Variants in DYRK2 observed in about 807,000 individuals in gnomAD.
DYRK2 encodes the protein dual specificity tyrosine-phosphorylation-regulated kinase 2.
Under a neutral mutation model 41.6 loss-of-function variants are expected in DYRK2, and 12 were observed. That is an observed-to-expected ratio of 0.29 (90% CI 0.18 to 0.47). The LOEUF is 0.47. Among genes scored for constraint, DYRK2 ranks in the 20% least tolerant of loss-of-function variants. The pLI, the probability that DYRK2 is intolerant of heterozygous loss-of-function variation, is 1.00. For synonymous variants in DYRK2, 322 were observed against 315.7 expected, an observed-to-expected ratio of 1.02 and a Z score of -0.21; for missense variants, 678 against 798.4, an observed-to-expected ratio of 0.85 and a Z score of 1.82.
At chr12:67,656,370 CG>C (rs1872468303) in intron 2 of DYRK2, among the ~76,000 whole-genome samples, 1 of 152,130 alleles carries the variant, frequency 6.6e-6, no homozygotes, top group Non-Finnish European at 1.5e-5. Flanking sequence ...CTGACCCCTC[CG>C]GAGGAAGGCC....
Position 67,660,138 on chromosome 12 carries a change from T to C in DYRK2, c.*1425T>C, listed in dbSNP as rs1018979033. 6 of 167,192 alleles carry C rather than the reference T, an allele frequency of 3.6e-5. No individual in the cohort carries two copies. The highest frequency in any genetic ancestry group is 1.3e-4 in the Admixed American group (2 of 15,304). 10.4% of individuals were successfully genotyped at this position (167,192 alleles called of 1,614,324 possible). On this transcript the variant is annotated 3_prime_UTR_variant, in exon 3 of 3. Coordinates refer to ENST00000344096, the MANE Select transcript of DYRK2 (RefSeq NM_006482.3). The stretch of plus-strand genomic sequence containing the variant: ...TGATCTATATCAATTTCAAGGCACG[T>C]GAAAAAAATTTTTTAGTATGTGCAA...
Position 67,648,991 on chromosome 12 carries a change from C to A in DYRK2, c.-143C>A. 1 of 592,074 alleles carries A rather than the reference C, an allele frequency of 1.7e-6. No individual in the cohort carries two copies. Among genetic ancestry groups the A allele is most frequent in the Non-Finnish European group, 2.6e-6 (1 of 379,868 alleles). 36.7% of individuals were successfully genotyped at this position (592,074 alleles called of 1,614,324 possible). On this transcript the variant is annotated 5_prime_UTR_variant, in exon 1 of 3. It adds an upstream start codon to the 5' untranslated region. Coordinates refer to ENST00000344096, the MANE Select transcript of DYRK2 (RefSeq NM_006482.3). ...GATGCAGTGGACTGTGTGTGTCTGG[C>A]TGTAGCAGACGCGAGGCGGCGACGA...
Position 67,649,892 on chromosome 12 carries a change from C to G in DYRK2, c.145C>G (p.Pro49Ala), listed in dbSNP as rs759216183. 4 of 1,386,888 alleles carry G rather than the reference C, an allele frequency of 2.9e-6. No homozygotes were observed. The South Asian group carries it at 5.8e-5, about 20-fold the overall frequency. 85.9% of individuals were successfully genotyped at this position (1,386,888 alleles called of 1,614,324 possible). A position where few individuals can be genotyped will look rare whatever the true frequency, so the allele number is the denominator to read the frequency against. The change falls in exon 2 of 3, where the codon CCC (proline) becomes GCC (alanine). Residue 49 changes from proline to alanine, a missense_variant. Coordinates refer to ENST00000344096, the MANE Select transcript of DYRK2 (RefSeq NM_006482.3). ...RSGVGTGPPS[P>A]IALPPLRASN... ...CGGAGTGGGGACTGGCCCGCCCTCC[C>G]CCATCGCCCTGCCGCCTCTCCGGGC...
In DYRK2 at chr12:67,649,019, C is replaced by CGCCGGGGACCCGCGCGAGGGGCG; in HGVS notation, c.-108_-86dup. 1 of 869,294 alleles carries CGCCGGGGACCCGCGCGAGGGGCG rather than the reference C, an allele frequency of 1.2e-6. No individual in the cohort carries two copies. The highest frequency in any genetic ancestry group is 1.6e-6 in the Non-Finnish European group (1 of 630,250). The allele number at this position is 869,294 out of a possible 1,614,324, so 53.8% of individuals were successfully genotyped here. A position where few individuals can be genotyped will look rare whatever the true frequency, so the allele number is the denominator to read the frequency against. On this transcript the variant is annotated 5_prime_UTR_variant, in exon 1 of 3. It removes the in-frame stop codon of an upstream open reading frame in the 5' UTR. Transcript: ENST00000344096. ...TAGCAGACGCGAGGCGGCGACGAGG[C>CGCCGGGGACCCGCGCGAGGGGCG]GCCGGGGACCCGCGCGAGGGGCGGC...
intron 2 of DYRK2, among the ~76,000 whole-genome samples, chr12:67,651,965 T>C (rs2120814608): frequency 6.6e-6 from 1 of 152,296 alleles, no homozygotes; most frequent in Admixed American, 6.5e-5. Flanking sequence ...TAGATCCATA[T>C]TCCCATATGT....
chr12:67,649,898 G>A lies in DYRK2; in HGVS notation c.151G>A (p.Ala51Thr). The A allele has an allele frequency of 2.2e-6, 3 of 1,380,626 alleles. No homozygotes were observed. The highest frequency in any genetic ancestry group is 5.7e-5 in the East Asian group (2 of 34,820). The allele number at this position is 1,380,626 out of a possible 1,614,324, so 85.5% of individuals were successfully genotyped here. A position where few individuals can be genotyped will look rare whatever the true frequency, so the allele number is the denominator to read the frequency against. The change falls in exon 2 of 3, where the codon GCC becomes ACC. Residue 51 changes from alanine to threonine, a missense_variant. Physicochemically the swap from Ala to Thr is moderately conservative, Grantham distance 58. Transcript: ENST00000344096. ...GVGTGPPSPI[A>T]LPPLRASNAA... ...GGGGACTGGCCCGCCCTCCCCCATCGCCCTGCCGCCTCTCCGGGCCAGCAA... is the reference window on the plus strand; with the variant it reads ...GGGGACTGGCCCGCCCTCCCCCATCACCCTGCCGCCTCTCCGGGCCAGCAA...
chr12:67,655,373 C>T (rs1872437577), intron 2 of DYRK2, among the ~76,000 whole-genome samples: 1 of 152,124 alleles, frequency 6.6e-6, no homozygotes, highest in Non-Finnish European at 1.5e-5. Context: ...CCACAGTGGA[C>T]AGGAGAGGGT....
intron 2 of DYRK2, among the ~76,000 whole-genome samples, chr12:67,653,257 A>T (rs1362279977): frequency 6.6e-6 from 1 of 152,192 alleles, no homozygotes; most frequent in Non-Finnish European, 1.5e-5. Context: ...TTTATGATGT[A>T]GTCTTGACAT....
Position 67,649,907 on chromosome 12 carries a change from C to G in DYRK2, c.160C>G (p.Pro54Ala), listed in dbSNP as rs752910064. The change falls in exon 2 of 3, where the codon CCT becomes GCT. Residue 54 changes from proline (P) to alanine (A), a missense_variant. Physicochemically the swap from Pro to Ala is conservative, Grantham distance 27. Around this residue, in one of 2 missense-constraint regions of DYRK2, gnomAD observed 285 missense variants for 279.2 expected, o/e 1.02. Transcript: ENST00000344096. ...TGPPSPIALP[P>A]LRASNAAAAA... is the part of the protein sequence containing the mutation. ...CCCGCCCTCCCCCATCGCCCTGCCG[C>G]CTCTCCGGGCCAGCAACGCTGCCGC... The G allele has an allele frequency of 7.2e-7, 1 of 1,382,418 alleles. No homozygotes were observed. The highest frequency in any genetic ancestry group is 9.3e-7 in the Non-Finnish European group (1 of 1,074,662). The allele number at this position is 1,382,418 out of a possible 1,614,324, so 85.6% of individuals were successfully genotyped here.
chr12:67,649,754 C>A, intron 1 of DYRK2, 43 bp from the exon 2 acceptor site: 8 of 1,306,590 alleles, frequency 6.1e-6, no homozygotes, highest in Non-Finnish European at 7.8e-6. Flanking sequence ...GTGACTTTCT[C>A]CCCCCTGACC....
At position 67,649,299 on chromosome 12, in the gene DYRK2, G is replaced by T. The variant is rs937217053; in HGVS notation, c.49+117G>T. 3 of 859,830 alleles carry T rather than the reference G, an allele frequency of 3.5e-6. No individual in the cohort carries two copies. The African/African-American group carries it at 5.4e-5, about 16-fold the overall frequency. The allele number at this position is 859,830 out of a possible 1,614,324, so 53.3% of individuals were successfully genotyped here. ...CGAACAAAGTCGGCGGCGCGGCGCG[G>T]GGGAGCCCCCGGGCGGACGACGCGC... On this transcript the variant is annotated intron_variant, in intron 1 of 2. Transcript: ENST00000344096.
In DYRK2 at chr12:67,658,476, C is replaced by G. The variant is rs746775763; in HGVS notation, c.1569C>G (p.Arg523=). ...KQCLEWDPAV[R]MTPGQALRHP... ...GTTTAGAGTGGGATCCTGCAGTGCG[C>G]ATGACCCCAGGCCAGGCTTTGCGGC... The change falls in exon 3 of 3, where the codon CGC becomes CGG. Residue 523 remains arginine (R), a synonymous_variant. Transcript: ENST00000344096. The surrounding 1 kb of genome is among the most constrained non-coding windows in gnomAD (Gnocchi z 4.3). 1.9e-6 allele frequency: 3 copies of G among 1,604,648 alleles called. No homozygotes were observed. In the Admixed American group the frequency reaches 5.1e-5, roughly 27 times the overall value.
intron 2 of DYRK2, among the ~76,000 whole-genome samples, chr12:67,651,304 T>C (rs1458118850): frequency 6.6e-6 from 1 of 152,208 alleles, no homozygotes; most frequent in Non-Finnish European, 1.5e-5. Flanking sequence ...CATCTGACAA[T>C]TTGGAAAATA....
At chr12:67,649,707 GT>G (rs1872250893) in intron 1 of DYRK2, 89 bp from the exon 2 acceptor site, 6 of 1,247,200 alleles carry the variant, frequency 4.8e-6, no homozygotes, top group African/African-American at 1.5e-5. Flanking sequence ...TTGGAAGAGG[GT>G]TGTCGCTGCC....
chr12:67,658,703 T>C lies in DYRK2; in HGVS notation c.1796T>C (p.Leu599Pro). ...NIQQRTVLPK[L>P]VS is the part of the protein sequence containing the mutation. ...CAGCAGAGGACAGTGTTGCCAAAACTTGTTAGCTGAGCTCACGTCCCCTGA... is the reference window on the plus strand; with the variant it reads ...CAGCAGAGGACAGTGTTGCCAAAACCTGTTAGCTGAGCTCACGTCCCCTGA... The change falls in exon 3 of 3, where the codon CTT (leucine) becomes CCT (proline). Residue 599 changes from leucine (L) to proline (P), a missense_variant. Around this residue, in one of 2 missense-constraint regions of DYRK2, gnomAD observed 393 missense variants for 519.1 expected, o/e 0.76. Coordinates refer to ENST00000344096, the MANE Select transcript of DYRK2 (RefSeq NM_006482.3). This position sits in a 1 kb window ranked among gnomAD's most constrained non-coding sequence, Gnocchi z 4.3. 1 of 1,604,222 alleles carries C rather than the reference T, an allele frequency of 6.2e-7. No homozygotes were observed. Among genetic ancestry groups the C allele is most frequent in the Non-Finnish European group, 8.5e-7 (1 of 1,175,070 alleles).
In DYRK2 at chr12:67,649,139, A is replaced by G; in HGVS notation, c.6A>G (p.Leu2=). M[L]TRKPSAAAPA... is the part of the protein sequence containing the mutation. Reference sequence around the variant, plus strand: ...CATTTTCCTCTCCAGCGGCCATGTTAACCAGGAAACCTTCGGCCGCCGCTC... The same window carrying G: ...CATTTTCCTCTCCAGCGGCCATGTTGACCAGGAAACCTTCGGCCGCCGCTC... The change falls in exon 1 of 3, where the codon TTA becomes TTG. Residue 2 remains leucine, a synonymous_variant. Coordinates refer to ENST00000344096, the MANE Select transcript of DYRK2 (RefSeq NM_006482.3). 6.6e-7 allele frequency: 1 copy of G among 1,511,568 alleles called. No individual in the cohort carries two copies. 93.6% of individuals were successfully genotyped at this position (1,511,568 alleles called of 1,614,324 possible). A position where few individuals can be genotyped will look rare whatever the true frequency, so the allele number is the denominator to read the frequency against.
At position 67,662,592 on chromosome 12, in the gene DYRK2, T is replaced by G. The variant is rs1171873926; in HGVS notation, c.*3879T>G. 2.4e-5 allele frequency: 4 copies of G among 166,834 alleles called. No homozygotes were observed. The highest frequency in any genetic ancestry group is 1.3e-4 in the Admixed American group (2 of 15,276). The allele number at this position is 166,834 out of a possible 1,614,324, so 10.3% of individuals were successfully genotyped here. A position where few individuals can be genotyped will look rare whatever the true frequency, so the allele number is the denominator to read the frequency against. On this transcript the variant is annotated 3_prime_UTR_variant, in exon 3 of 3. Transcript: ENST00000344096. ...AGCTGATGACAGGAGTAAGACTGTT[T>G]AGTGAATATCTGTTAAATTTTATTG...
rs1268863809 is a variant in DYRK2, at chr12:67,663,990, AG to A, written c.*5280del. The A allele has an allele frequency of 2.7e-5, 4 of 149,542 alleles. No individual in the cohort carries two copies. Among genetic ancestry groups the A allele is most frequent in the Non-Finnish European group, 5.9e-5 (4 of 67,326 alleles). 9.3% of individuals were successfully genotyped at this position (149,542 alleles called of 1,614,324 possible). On this transcript the variant is annotated 3_prime_UTR_variant, in exon 3 of 3. Coordinates refer to ENST00000344096, the MANE Select transcript of DYRK2 (RefSeq NM_006482.3). ...TTCATGTTTTGAAAAGAGCATTAAG[AG>A]GGATTTGAGGAAGGTATATGTGGCT...
At position 67,657,562 on chromosome 12, in the gene DYRK2, G is replaced by T; in HGVS notation, c.655G>T (p.Ala219Ser). 1.2e-6 allele frequency: 2 copies of T among 1,614,116 alleles called. No individual in the cohort carries two copies. The highest frequency in any genetic ancestry group is 1.7e-6 in the Non-Finnish European group (2 of 1,180,020). Residue 219 changes from alanine (A) to serine (S), a missense_variant, in exon 3 of 3, where the codon GCT (alanine) becomes TCT (serine). Physicochemically the swap from Ala to Ser is moderately conservative, Grantham distance 99. Coordinates refer to ENST00000344096, the MANE Select transcript of DYRK2 (RefSeq NM_006482.3). This position sits in a 1 kb window ranked among gnomAD's most constrained non-coding sequence, Gnocchi z 4.8. ...SYVQVPHDHV[A>S]YRYEVLKVIG... ...TGTGCAGGTGCCCCACGATCACGTGGCTTACAGGTATGAGGTCCTCAAGGT... is the reference window on the plus strand; with the variant it reads ...TGTGCAGGTGCCCCACGATCACGTGTCTTACAGGTATGAGGTCCTCAAGGT...
Sources: gnomAD v4.1 joint callset for allele counts (sites outside exome capture counted in the v4.1 genomes callset) on GRCh38, gnomAD v4.1.1 for gene constraint, gnomAD v4.1.1 regional missense constraint, Gnocchi (gnomAD v3.1) non-coding constraint, MANE v1.5 for transcripts, NCBI Gene and HGNC (gene_info 2026-07-23, HGNC 2026-07-21) for gene names.